Variants in PDE1A observed in about 807,000 individuals in gnomAD.
PDE1A encodes the protein phosphodiesterase 1A, also known as dual specificity calcium/calmodulin-dependent 3',5'-cyclic nucleotide phosphodiesterase 1A.
A neutral mutation model predicts 61.7 loss-of-function variants in PDE1A; 35 were observed. That is an observed-to-expected ratio of 0.57 (90% CI 0.43 to 0.75). The LOEUF (loss-of-function observed/expected upper bound fraction) is 0.75. PDE1A is among the 30% of genes least tolerant of loss of function. PDE1A has a pLI of 0.00. For missense variants in PDE1A, 597 were observed against 630.6 expected, an observed-to-expected ratio of 0.95 and a Z score of 0.57; for synonymous variants, 232 against 213.2, an observed-to-expected ratio of 1.09 and a Z score of -0.77.
At chr2:182,621,861 T>C in the PDE1A span, among the ~76,000 whole-genome samples, 339 of 152,298 alleles carry the variant, frequency 2.2e-3, 2 homozygotes, top group African/African-American at 7.7e-3. Flanking sequence ...ATTTACAGGA[T>C]GTGAATTACA....
chr2:182,189,204 T>C (rs1685491265), intron 10 of PDE1A, 144 bp from the exon 11 acceptor site: 4 of 508,734 alleles, frequency 7.9e-6, no homozygotes, highest in Non-Finnish European at 1.4e-5. Flanking sequence ...CCAAAAGCTA[T>C]GGTCCAAGTT....
chr2:182,496,864 A>G (rs1200539283), intron 2 of PDE1A, among the ~76,000 whole-genome samples: 1 of 152,182 alleles, frequency 6.6e-6, no homozygotes, highest in Admixed American at 6.5e-5. Flanking sequence ...GCTCCTATAG[A>G]CATTCCTGTG....
At chr2:182,690,514 T>C in the PDE1A span, among the ~76,000 whole-genome samples, 1 of 152,188 alleles carries the variant, frequency 6.6e-6, no homozygotes, top group Non-Finnish European at 1.5e-5. Context: ...AAATTAGGTA[T>C]TGATGGGATG....
chr2:182,424,381 T>C (rs991172223), intron 1 of PDE1A, among the ~76,000 whole-genome samples: 1 of 152,206 alleles, frequency 6.6e-6, no homozygotes, highest in Non-Finnish European at 1.5e-5. Context: ...GCCTGTCAAG[T>C]GGATTGAGAT....
chr2:182,186,919 TTCC>T (rs1350094153), intron 11 of PDE1A, among the ~76,000 whole-genome samples: 1 of 152,202 alleles, frequency 6.6e-6, no homozygotes, highest in East Asian at 1.9e-4. Context: ...TGACTATAGT[TTCC>T]TCTCTCAACA....
chr2:182,162,057 C>T (rs576977020), intron 13 of PDE1A, among the ~76,000 whole-genome samples: 2 of 152,080 alleles, frequency 1.3e-5, no homozygotes, highest in Non-Finnish European at 2.9e-5. Context: ...ACCTACTCCC[C>T]CACACTGGGA....
chr2:182,247,032 A>G (rs1691024234), intron 2 of PDE1A, among the ~76,000 whole-genome samples: 1 of 152,242 alleles, frequency 6.6e-6, no homozygotes, highest in Non-Finnish European at 1.5e-5. Context: ...ACTCCTGTGC[A>G]ATTTGATTGA....
rs1553606357 is a variant in PDE1A at position 182,385,640 on chromosome 2, G to GAAAGAAAGAAAGAAAGAAAGAAAGAAAGA, written c.53+40937_53+40938insTCTTTCTTTCTTTCTTTCTTTCTTTCTTT. Among the ~76,000 whole-genome samples the GAAAGAAAGAAAGAAAGAAAGAAAGAAAGA allele has an allele frequency of 1.6e-4, 11 of 70,486 alleles. 1 individual carries two copies. The highest frequency in any genetic ancestry group is 4.8e-4 in the African/African-American group (11 of 23,150). The allele number at this position is 70,486 out of a possible 152,430, so 46.2% of individuals were successfully genotyped here. ...GAAACAGAAAGAAAGAAAGAAAGAA[G>GAAAGAAAGAAAGAAAGAAAGAAAGAAAGA]AAGAAAGAAAGAAAGAAAGAAGAAA... On this transcript the variant is annotated intron_variant, in intron 1 of 13. Coordinates refer to ENST00000351439, the Ensembl canonical transcript of PDE1A.
intron 2 of PDE1A, among the ~76,000 whole-genome samples, chr2:182,521,548 A>C (rs1315070125): frequency 6.6e-6 from 1 of 152,088 alleles, no homozygotes; most frequent in Non-Finnish European, 1.5e-5. Context: ...AGTAGCACAC[A>C]CAGCTAAAAA....
chr2:182,376,007 A>G (rs910492227), intron 1 of PDE1A, among the ~76,000 whole-genome samples: 12 of 152,238 alleles, frequency 7.9e-5, no homozygotes, highest in African/African-American at 2.9e-4. Flanking sequence ...TGCAAGCAGC[A>G]TGGGGACCCT....
chr2:182,181,145 A>G (rs1157230517), intron 13 of PDE1A, among the ~76,000 whole-genome samples: 3 of 152,018 alleles, frequency 2.0e-5, no homozygotes, highest in Non-Finnish European at 4.4e-5. Flanking sequence ...GAAGTGTTAC[A>G]ATCATTTGGA....
chr2:182,206,109 C>T (rs1687080176), intron 7 of PDE1A, 44 bp from the exon 8 acceptor site: 6 of 1,543,458 alleles, frequency 3.9e-6, no homozygotes, highest in Non-Finnish European at 5.3e-6. Flanking sequence ...TTTCTTTAGA[C>T]ATCATGAATG....
At chr2:182,315,221 G>T (rs1403912756) in intron 1 of PDE1A, among the ~76,000 whole-genome samples, 2 of 152,126 alleles carry the variant, frequency 1.3e-5, no homozygotes, top group Non-Finnish European at 2.9e-5. Context: ...TTATATGCAT[G>T]TGGTCTCTCC....
chr2:182,256,073 TTTTA>T (rs1691780781), intron 2 of PDE1A, among the ~76,000 whole-genome samples: 1 of 140,416 alleles, frequency 7.1e-6, no homozygotes, highest in African/African-American at 3.2e-5. Flanking sequence ...TTTATTTTTC[TTTTA>T]TTTTTCTTTC....
At chr2:182,468,725 C>A (rs1362088451) in intron 2 of PDE1A, among the ~76,000 whole-genome samples, 1 of 151,986 alleles carries the variant, frequency 6.6e-6, no homozygotes, top group Non-Finnish European at 1.5e-5. Flanking sequence ...TCTGTGGCAA[C>A]TATAGCCTCA....
At chr2:182,445,305 T>C (rs1685062774) in intron 2 of PDE1A, among the ~76,000 whole-genome samples, 1 of 152,148 alleles carries the variant, frequency 6.6e-6, no homozygotes, top group Admixed American at 6.6e-5. Flanking sequence ...TAAAGTCAGC[T>C]TTTTATTGAT....
intron 1 of PDE1A, among the ~76,000 whole-genome samples, chr2:182,389,279 T>C (rs565983898): frequency 2.0e-5 from 3 of 152,128 alleles, no homozygotes; most frequent in Non-Finnish European, 4.4e-5. Flanking sequence ...CAGGAAACTA[T>C]CAACAGAGTG....
At chr2:182,547,633 TA>T in the PDE1A span, among the ~76,000 whole-genome samples, 31 of 152,266 alleles carry the variant, frequency 2.0e-4, no homozygotes, top group African/African-American at 5.8e-4. Flanking sequence ...CATAGGCAAA[TA>T]TCCTTTAAAA....
At chr2:182,494,293 T>C (rs550775580) in intron 2 of PDE1A, among the ~76,000 whole-genome samples, 2 of 127,422 alleles carry the variant, frequency 1.6e-5, no homozygotes, top group African/African-American at 6.1e-5. Flanking sequence ...ATCATTTGGA[T>C]TCTACAAAAA....
Sources: gnomAD v4.1 joint callset for allele counts (sites outside exome capture counted in the v4.1 genomes callset) on GRCh38, gnomAD v4.1.1 for gene constraint, MANE v1.5 for transcripts, NCBI Gene and HGNC (gene_info 2026-07-23, HGNC 2026-07-21) for gene names.